AK9: variants seen among roughly 807,000 people sequenced by gnomAD.
AK9 encodes the protein adenylate kinase domain containing 1.
A neutral mutation model predicts 239.6 loss-of-function variants in AK9; 191 were observed. That is an observed-to-expected ratio of 0.80 (90% CI 0.71 to 0.90). AK9 has a LOEUF of 0.90. AK9 is among the 40% of genes least tolerant of loss of function. AK9 has a pLI of 0.00. For missense variants in AK9, 1,995 were observed against 2,214.7 expected (o/e 0.90, Z 1.99); for synonymous variants, 689 against 721.0 (o/e 0.96, Z 0.71).
chr6:109,621,902 AAAAAAAAAAAC>A (rs71018355), intron 12 of AK9, among the ~76,000 whole-genome samples: 23,768 of 96,836 alleles, frequency 0.25, 1,852 homozygotes, highest in East Asian at 0.44. Flanking sequence ...TTAAAAAAAA[AAAAAAAAAAAC>A]AAAAAAAAAA....
intron 7 of AK9, among the ~76,000 whole-genome samples, chr6:109,657,666 A>C (rs925746967): frequency 6.6e-5 from 10 of 152,032 alleles, no homozygotes; most frequent in Middle Eastern, 3.4e-3. Context: ...CGTCATTTAC[A>C]TTAGGTATAT....
In AK9 at chr6:109,516,573, T is replaced by C; in HGVS notation, c.3703A>G (p.Ile1235Val). ...LEEDNDDIEN[I>V]LEDEFPKDEE... ...TCTTTTGGAAACTCATCTTCAAGGATGTTTTCAATATCATCATTGTCTTCT... is the reference window on the plus strand; with the variant it reads ...TCTTTTGGAAACTCATCTTCAAGGACGTTTTCAATATCATCATTGTCTTCT... Residue 1235 changes from isoleucine to valine, a missense_variant, in exon 30 of 41, where the codon ATC becomes GTC. This residue lies in a region of AK9 where 1,290 missense variants were observed against 1,392.7 expected (regional missense o/e 0.93). Transcript: ENST00000424296. 6.4e-7 allele frequency: 1 copy of C among 1,551,288 alleles called. No individual in the cohort carries two copies. Among genetic ancestry groups the C allele is most frequent in the Non-Finnish European group, 8.7e-7 (1 of 1,146,950 alleles).
At chr6:109,595,840 A>T (rs1790951760) in intron 17 of AK9, among the ~76,000 whole-genome samples, 1 of 152,046 alleles carries the variant, frequency 6.6e-6, no homozygotes, top group Non-Finnish European at 1.5e-5. Context: ...ATCACACACC[A>T]GGGCCTGTCA....
At chr6:109,688,138 C>G (rs550121947) in intron 1 of AK9, among the ~76,000 whole-genome samples, 1 of 152,316 alleles carries the variant, frequency 6.6e-6, no homozygotes, top group East Asian at 1.9e-4. Context: ...ATGGCAGAGA[C>G]CTGTTCATAT....
intron 17 of AK9, among the ~76,000 whole-genome samples, chr6:109,586,276 C>T (rs766394380): frequency 1.1e-4 from 17 of 152,088 alleles, no homozygotes; most frequent in Non-Finnish European, 1.8e-4. Context: ...GGAGGCTGGG[C>T]GAAGTGGTGC....
At chr6:109,675,810 G>A (rs1350458632) in intron 1 of AK9, 54 bp from the exon 2 acceptor site, 5 of 1,010,734 alleles carry the variant, frequency 4.9e-6, no homozygotes, top group East Asian at 2.7e-5. Context: ...TGGATGAGGT[G>A]ACTAGGAACA....
chr6:109,522,786 T>C (rs1019166664), intron 29 of AK9, among the ~76,000 whole-genome samples: 1 of 152,156 alleles, frequency 6.6e-6, no homozygotes, highest in Non-Finnish European at 1.5e-5. Flanking sequence ...TTTTTATAAA[T>C]GAAGGATTAA....
At chr6:109,590,148 T>C (rs1030421166) in intron 17 of AK9, among the ~76,000 whole-genome samples, 3 of 152,180 alleles carry the variant, frequency 2.0e-5, no homozygotes, top group African/African-American at 7.2e-5. Context: ...TGGTAGCAGT[T>C]CTTCCTTCAA....
At chr6:109,603,785 C>G (rs1048843418) in intron 17 of AK9, among the ~76,000 whole-genome samples, 7 of 152,170 alleles carry the variant, frequency 4.6e-5, no homozygotes, top group African/African-American at 1.7e-4. Flanking sequence ...GCGCCCCTCC[C>G]CCAGACTCAC....
Position 109,632,858 on chromosome 6 carries a change from TAGAC to T in AK9, c.1254+61_1254+64del, listed in dbSNP as rs1262134559. 5.9e-4 allele frequency: 558 copies of T among 953,000 alleles called. 4 individuals are homozygous for T. In the African/African-American group the frequency reaches 0.01, roughly 18 times the overall value. 59.0% of individuals were successfully genotyped at this position (953,000 alleles called of 1,614,324 possible). ...TAATCGAGTATAGATACATGACAGATAGACATAGATAGATAGATAGATAGATAGA... is the reference window on the plus strand; with the variant it reads ...TAATCGAGTATAGATACATGACAGATATAGATAGATAGATAGATAGATAGA... On this transcript the variant is annotated intron_variant, in intron 12 of 40. Coordinates refer to ENST00000424296, the MANE Select transcript of AK9 (RefSeq NM_001145128.3).
chr6:109,640,869 T>C (rs1473777146), intron 10 of AK9, among the ~76,000 whole-genome samples: 1 of 152,114 alleles, frequency 6.6e-6, no homozygotes, highest in Non-Finnish European at 1.5e-5. Context: ...AACACATTAG[T>C]TACTCAAAAA....
At chr6:109,627,428 A>T (rs974782834) in intron 12 of AK9, among the ~76,000 whole-genome samples, 2 of 152,178 alleles carry the variant, frequency 1.3e-5, no homozygotes, top group African/African-American at 4.8e-5. Context: ...TTTTATTGTC[A>T]TCAAGTATGA....
chr6:109,648,675 G>C (rs929497184), intron 8 of AK9, among the ~76,000 whole-genome samples: 4 of 152,096 alleles, frequency 2.6e-5, no homozygotes, highest in African/African-American at 7.2e-5. Context: ...AAGAGGAGCT[G>C]GTACCATTCC....
intron 20 of AK9, among the ~76,000 whole-genome samples, chr6:109,578,643 T>G (rs1788430946): frequency 6.6e-6 from 1 of 152,180 alleles, no homozygotes; most frequent in Non-Finnish European, 1.5e-5. Context: ...GATTGTCTAT[T>G]TGTGTTCTTT....
intron 26 of AK9, among the ~76,000 whole-genome samples, chr6:109,545,358 C>T (rs1051481259): frequency 2.0e-5 from 3 of 152,292 alleles, no homozygotes; most frequent in African/African-American, 7.2e-5. Context: ...TATGGTTTGA[C>T]TGTGACCTCA....
intron 21 of AK9, among the ~76,000 whole-genome samples, chr6:109,571,012 C>A (rs1787348279): frequency 6.6e-6 from 1 of 152,114 alleles, no homozygotes; most frequent in Non-Finnish European, 1.5e-5. Flanking sequence ...ATGAGGAATT[C>A]TGAGAAGAAA....
chr6:109,613,666 AT>A (rs1230394099), intron 15 of AK9, among the ~76,000 whole-genome samples: 2 of 151,564 alleles, frequency 1.3e-5, no homozygotes, highest in Non-Finnish European at 2.9e-5. Context: ...AAGTAAAAAA[AT>A]GTAAAAACAG....
At chr6:109,592,965 G>A (rs1457439645) in intron 17 of AK9, among the ~76,000 whole-genome samples, 1 of 152,030 alleles carries the variant, frequency 6.6e-6, no homozygotes, top group Non-Finnish European at 1.5e-5. Context: ...TAGGTTTTCT[G>A]CACTTTTTAC....
intron 6 of AK9, among the ~76,000 whole-genome samples, chr6:109,661,667 A>G (rs1199454117): frequency 6.6e-6 from 1 of 152,218 alleles, no homozygotes. Context: ...CACCACATTC[A>G]GCACTGCAAG....
Sources: gnomAD v4.1 joint callset for allele counts (sites outside exome capture counted in the v4.1 genomes callset) on GRCh38, gnomAD v4.1.1 for gene constraint, gnomAD v4.1.1 regional missense constraint, MANE v1.5 for transcripts, NCBI Gene and HGNC (gene_info 2026-07-23, HGNC 2026-07-21) for gene names.